Variants in FSTL4 observed in about 807,000 individuals in gnomAD.
The protein encoded by FSTL4 is follistatin-related protein 4.
A neutral mutation model predicts 78.2 loss-of-function variants in FSTL4; 28 were observed. The observed-to-expected ratio is 0.36, with a 90% confidence interval of 0.27 to 0.49. The LOEUF (loss-of-function observed/expected upper bound fraction) is 0.49, where lower values mean the gene tolerates loss of function less well. FSTL4 is among the 20% of genes least tolerant of loss of function. The pLI, the probability that FSTL4 is intolerant of heterozygous loss-of-function variation, is 0.98. For missense variants in FSTL4, 922 were observed against 1,084.9 expected (o/e 0.85, Z 2.11); for synonymous variants, 422 against 440.5 (o/e 0.96, Z 0.53).
intron 6 of FSTL4, among the ~76,000 whole-genome samples, chr5:133,286,729 G>A (rs1271317376): frequency 6.6e-6 from 1 of 152,100 alleles, no homozygotes; most frequent in Admixed American, 6.6e-5. Flanking sequence ...GGCCCACAGT[G>A]GACTGCAAGG....
chr5:133,774,802 T>A, the FSTL4 span, among the ~76,000 whole-genome samples: 1 of 152,180 alleles, frequency 6.6e-6, no homozygotes, highest in African/African-American at 2.4e-5. Flanking sequence ...GTCTGTTACA[T>A]TGATATTATT....
At chr5:133,309,703 A>C (rs564636678) in intron 6 of FSTL4, among the ~76,000 whole-genome samples, 3 of 152,286 alleles carry the variant, frequency 2.0e-5, no homozygotes, top group Admixed American at 6.5e-5. Context: ...AAAACTGATA[A>C]ATACAACTTC....
At chr5:133,359,895 G>A (rs888038207) in intron 4 of FSTL4, among the ~76,000 whole-genome samples, 2 of 152,246 alleles carry the variant, frequency 1.3e-5, no homozygotes, top group Admixed American at 6.5e-5. Flanking sequence ...GGCCAGGGCA[G>A]GTGTGGAAAG....
chr5:133,779,588 A>G, the FSTL4 span, among the ~76,000 whole-genome samples: 1 of 152,046 alleles, frequency 6.6e-6, no homozygotes, highest in African/African-American at 2.4e-5. Context: ...TCCATCTCAA[A>G]AAACAAAACA....
At chr5:133,691,999 A>G in the FSTL4 span, among the ~76,000 whole-genome samples, 5 of 152,340 alleles carry the variant, frequency 3.3e-5, no homozygotes, top group African/African-American at 1.2e-4. Context: ...CATAGAATTT[A>G]CAGTCCAGAG....
chr5:133,696,406 A>C, the FSTL4 span, among the ~76,000 whole-genome samples: 1 of 152,194 alleles, frequency 6.6e-6, no homozygotes, highest in East Asian at 1.9e-4. Context: ...GGCCCATCCC[A>C]GGCCTGTGCC....
chr5:133,374,807 C>G (rs1430153126), intron 4 of FSTL4, among the ~76,000 whole-genome samples: 1 of 152,142 alleles, frequency 6.6e-6, no homozygotes, highest in African/African-American at 2.4e-5. Flanking sequence ...TCACCAGACA[C>G]AGTTCTGCTA....
chr5:133,748,922 A>T, the FSTL4 span, among the ~76,000 whole-genome samples: 113 of 152,344 alleles, frequency 7.4e-4, no homozygotes, highest in Non-Finnish European at 1.4e-3. Context: ...GGCCAGAGAC[A>T]CAAAGCCCAG....
At chr5:133,467,354 A>T (rs1195031505) in intron 3 of FSTL4, among the ~76,000 whole-genome samples, 1 of 151,944 alleles carries the variant, frequency 6.6e-6, no homozygotes, top group Non-Finnish European at 1.5e-5. Context: ...AGGTGTGAGA[A>T]GCCAGGTTTC....
At position 133,602,591 on chromosome 5, in the gene FSTL4, A is replaced by G. The variant is rs141298129; in HGVS notation, c.126+1267T>C. ...AAGTGATCATTTTCTCTTGGTATGG[A>G]TATGAGTGTACTGATAAAGCTGTTC... On this transcript the variant is annotated intron_variant, in intron 2 of 15. Coordinates refer to ENST00000265342, the MANE Select transcript of FSTL4 (RefSeq NM_015082.2). Among the ~76,000 whole-genome samples the G allele has an allele frequency of 6.1e-4, 93 of 152,308 alleles. 1 individual carries two copies. The highest frequency in any genetic ancestry group is 1.1e-3 in the Non-Finnish European group (76 of 68,026).
Position 133,517,438 on chromosome 5 carries a change from A to AT in FSTL4, c.160+49747_160+49748insA, listed in dbSNP as rs1170671959. Among the ~76,000 whole-genome samples, 50 of 50,812 alleles carry AT rather than the reference A, an allele frequency of 9.8e-4. 2 individuals are homozygous for AT. The highest frequency in any genetic ancestry group is 3.9e-3 in the African/African-American group (48 of 12,250). The allele number at this position is 50,812 out of a possible 152,430, so 33.3% of individuals were successfully genotyped here. On this transcript the variant is annotated intron_variant, in intron 3 of 15. Coordinates refer to ENST00000265342, the MANE Select transcript of FSTL4 (RefSeq NM_015082.2). ...ACTCCATCTCAAAAAAAAAAAAAAA[A>AT]AAAAAAAAAATATATATATATATAT...
chr5:133,465,532 G>T (rs1757689526), intron 3 of FSTL4, among the ~76,000 whole-genome samples: 1 of 152,228 alleles, frequency 6.6e-6, no homozygotes, highest in Admixed American at 6.5e-5. Context: ...GGTTGTTCAG[G>T]AGTGAGGCAG....
intron 3 of FSTL4, among the ~76,000 whole-genome samples, chr5:133,445,838 G>GA (rs1034432001): frequency 1.4e-3 from 213 of 146,958 alleles, no homozygotes; most frequent in African/African-American, 5.1e-3. Context: ...TTTTAAAGGA[G>GA]AAAAAAAAAA....
chr5:133,240,181 G>C (rs984902092), intron 7 of FSTL4, among the ~76,000 whole-genome samples: 1 of 152,108 alleles, frequency 6.6e-6, no homozygotes, highest in East Asian at 1.9e-4. Flanking sequence ...AAACGCATCC[G>C]AGCATCAGAA....
intron 6 of FSTL4, among the ~76,000 whole-genome samples, chr5:133,273,920 G>C (rs1349009622): frequency 6.6e-6 from 1 of 152,184 alleles, no homozygotes; most frequent in African/African-American, 2.4e-5. Flanking sequence ...TCCAGCAGGA[G>C]ACTAGCCTGA....
the FSTL4 span, among the ~76,000 whole-genome samples, chr5:133,700,961 G>A: frequency 2.0e-5 from 3 of 152,166 alleles, no homozygotes; most frequent in South Asian, 2.1e-4. Flanking sequence ...TGAGAAGGAC[G>A]GGCCTCTCTC....
chr5:133,736,018 T>C, the FSTL4 span, among the ~76,000 whole-genome samples: 2 of 152,244 alleles, frequency 1.3e-5, no homozygotes, highest in East Asian at 3.9e-4. Flanking sequence ...CACTTGACCA[T>C]CCCTGGCATG....
At chr5:133,786,357 T>A in the FSTL4 span, among the ~76,000 whole-genome samples, 1 of 152,246 alleles carries the variant, frequency 6.6e-6, no homozygotes, top group Admixed American at 6.5e-5. Flanking sequence ...ATAATCATTC[T>A]TCTGGCCCCT....
chr5:133,620,052 G>T, the FSTL4 span, among the ~76,000 whole-genome samples: 1 of 151,490 alleles, frequency 6.6e-6, no homozygotes, highest in South Asian at 2.1e-4. Flanking sequence ...AAGCATCATT[G>T]TCTGACGCAT....
Sources: allele counts gnomAD v4.1 joint callset (sites outside exome capture counted in the v4.1 genomes callset), GRCh38; gene constraint gnomAD v4.1.1; transcripts MANE v1.5; gene names NCBI Gene and HGNC (gene_info 2026-07-23, HGNC 2026-07-21).